Variants in CERS6 observed in about 807,000 individuals in gnomAD.
The protein encoded by CERS6 is LAG1 homolog, ceramide synthase 6.
Under a neutral mutation model 56.8 loss-of-function variants are expected in CERS6, and 26 were observed. That is an observed-to-expected ratio of 0.46 (90% CI 0.34 to 0.63). The LOEUF is 0.63. Ranked by LOEUF, CERS6 falls within the 30% of genes least tolerant of loss-of-function variation. CERS6 has a pLI of 0.01. For missense variants in CERS6, 415 were observed against 467.5 expected (o/e 0.89, Z 1.04); for synonymous variants, 164 against 173.3 (o/e 0.95, Z 0.42).
chr2:168,632,671 A>G (rs1684774367), intron 4 of CERS6, among the ~76,000 whole-genome samples: 3 of 152,234 alleles, frequency 2.0e-5, no homozygotes. Context: ...TCTAGAAAAA[A>G]TAGAATGACT....
At chr2:168,601,603 G>A (rs1229255749) in intron 3 of CERS6, among the ~76,000 whole-genome samples, 1 of 151,654 alleles carries the variant, frequency 6.6e-6, no homozygotes, top group Non-Finnish European at 1.5e-5. Context: ...AGGCTGGAGT[G>A]TAGTGGTATG....
In CERS6 at chr2:168,561,211, T is replaced by C; in HGVS notation, c.296T>C (p.Leu99Ser). ...AITKHPDEKR[L>S]EGLSKQLDWD... ...TCATAGCATCCTGATGAAAAGAGAT[T>C]GGAAGGCCTCTCCAAGCAACTGGAC... Residue 99 changes from leucine to serine, a missense_variant, in exon 3 of 10, where the codon TTG (leucine) becomes TCG (serine). Physicochemically the swap from Leu to Ser is moderately radical, Grantham distance 145. Coordinates refer to ENST00000305747, the MANE Select transcript of CERS6 (RefSeq NM_203463.3). The C allele has an allele frequency of 6.2e-7, 1 of 1,614,058 alleles. No individual in the cohort carries two copies. The highest frequency in any genetic ancestry group is 8.5e-7 in the Non-Finnish European group (1 of 1,179,932).
At chr2:168,761,160 T>C (rs1375764345) in intron 8 of CERS6, among the ~76,000 whole-genome samples, 4 of 152,214 alleles carry the variant, frequency 2.6e-5, no homozygotes, top group Admixed American at 6.5e-5. Flanking sequence ...CTGAGAGATA[T>C]ATCCGTTTGG....
intron 8 of CERS6, among the ~76,000 whole-genome samples, chr2:168,749,988 C>G (rs1684215615): frequency 6.6e-6 from 1 of 152,288 alleles, no homozygotes; most frequent in Non-Finnish European, 1.5e-5. Flanking sequence ...GCAGAAATTT[C>G]TAGGGAAAGC....
rs150724635 is a variant in CERS6, at chr2:168,520,598, C to CTTTTTTTTTTTTTTTTTTTTTTTTTTTTT, written c.171-26997_171-26969dup. ...TTAACTCTTTAACATTTACAATATCCTTTTTTTTTTTTTTTTTTTTTTTTT... is the reference window on the plus strand; with the variant it reads ...TTAACTCTTTAACATTTACAATATCCTTTTTTTTTTTTTTTTTTTTTTTTTTTTTTTTTTTTTTTTTTTTTTTTTTTTTT... On this transcript the variant is annotated intron_variant, in intron 1 of 9. Transcript: ENST00000305747. Among the ~76,000 whole-genome samples the CTTTTTTTTTTTTTTTTTTTTTTTTTTTTT allele has an allele frequency of 1.3e-3, 78 of 57,896 alleles. 22 individuals are homozygous for CTTTTTTTTTTTTTTTTTTTTTTTTTTTTT. The highest frequency in any genetic ancestry group is 2.4e-3 in the Admixed American group (8 of 3,266). 38.0% of individuals were successfully genotyped at this position (57,896 alleles called of 152,430 possible).
chr2:168,504,952 G>A (rs1245013625), intron 1 of CERS6, among the ~76,000 whole-genome samples: 1 of 152,106 alleles, frequency 6.6e-6, no homozygotes. Context: ...TGTATCAGGC[G>A]GTTCTCTTAA....
intron 4 of CERS6, among the ~76,000 whole-genome samples, chr2:168,638,476 T>G (rs78242526): frequency 0.017 from 2,625 of 152,042 alleles, 104 homozygotes; most frequent in East Asian, 0.16. Context: ...CCAAAACATG[T>G]ACAACTACTA....
At chr2:168,597,978 T>G (rs1683840340) in intron 3 of CERS6, among the ~76,000 whole-genome samples, 1 of 151,994 alleles carries the variant, frequency 6.6e-6, no homozygotes. Context: ...TCTTTCAGAC[T>G]TTTTTTTGTC....
At chr2:168,522,437 T>C (rs1694998934) in intron 1 of CERS6, among the ~76,000 whole-genome samples, 1 of 152,248 alleles carries the variant, frequency 6.6e-6, no homozygotes, top group South Asian at 2.1e-4. Context: ...TAATTTCTTC[T>C]GAACAATTTT....
intron 4 of CERS6, among the ~76,000 whole-genome samples, chr2:168,679,653 C>T (rs1424938): frequency 0.95 from 144,944 of 152,314 alleles, 69,020 homozygotes; most frequent in East Asian, 0.98. Context: ...ACCTCGCTCA[C>T]ACACAGATAG....
Position 168,769,537 on chromosome 2 carries a change from G to C in CERS6, c.1030G>C (p.Glu344Gln), listed in dbSNP as rs1684811626. 1.2e-6 allele frequency: 2 copies of C among 1,605,010 alleles called. No individual in the cohort carries two copies. Among genetic ancestry groups the C allele is most frequent in the East Asian group, 4.5e-5 (2 of 44,552 alleles). Reference protein sequence around the residue: ...KVSKDDRSDIESSSDEEDSEP... With the variant: ...KVSKDDRSDIQSSSDEEDSEP... ...GTCCAAGGATGATCGAAGTGATATT[G>C]AGTCTAGCTCAGATGAGGAGGACTC... The change falls in exon 10 of 10, where the codon GAG (glutamate) becomes CAG (glutamine). Residue 344 changes from glutamate (E) to glutamine (Q), a missense_variant. Transcript: ENST00000305747.
At chr2:168,660,941 G>A (rs1685613244) in intron 4 of CERS6, among the ~76,000 whole-genome samples, 1 of 152,068 alleles carries the variant, frequency 6.6e-6, no homozygotes, top group African/African-American at 2.4e-5. Flanking sequence ...GCATGATAAT[G>A]AGAAATGCCT....
chr2:168,468,059 C>T (rs1033851181), intron 1 of CERS6, among the ~76,000 whole-genome samples: 2 of 152,056 alleles, frequency 1.3e-5, no homozygotes, highest in African/African-American at 4.8e-5. Context: ...TGCTTTTAAG[C>T]CTTTTCTTCT....
At chr2:168,676,394 T>C (rs1314067411) in intron 4 of CERS6, among the ~76,000 whole-genome samples, 1 of 152,182 alleles carries the variant, frequency 6.6e-6, no homozygotes, top group Non-Finnish European at 1.5e-5. Context: ...CTTGCAAGTG[T>C]TTACACATGT....
chr2:168,505,774 T>C (rs1240120849), intron 1 of CERS6, among the ~76,000 whole-genome samples: 1 of 152,202 alleles, frequency 6.6e-6, no homozygotes, highest in East Asian at 1.9e-4. Context: ...AAGGAACTGG[T>C]CTAGTGTCAG....
At chr2:168,498,504 C>T (rs1694515770) in intron 1 of CERS6, among the ~76,000 whole-genome samples, 1 of 152,160 alleles carries the variant, frequency 6.6e-6, no homozygotes, top group Non-Finnish European at 1.5e-5. Flanking sequence ...TATACATATT[C>T]AGCAGGTTAT....
intron 1 of CERS6, among the ~76,000 whole-genome samples, chr2:168,488,077 A>G (rs1476536735): frequency 6.6e-6 from 1 of 152,194 alleles, no homozygotes; most frequent in African/African-American, 2.4e-5. Flanking sequence ...AATCCTGTGT[A>G]TATAGGAATT....
At chr2:168,560,756 G>A (rs1274221339) in intron 2 of CERS6, among the ~76,000 whole-genome samples, 1 of 152,150 alleles carries the variant, frequency 6.6e-6, no homozygotes, top group Non-Finnish European at 1.5e-5. Flanking sequence ...ATCCTGATAT[G>A]TGATGATTGG....
intron 4 of CERS6, among the ~76,000 whole-genome samples, chr2:168,654,611 G>A (rs942494173): frequency 1.3e-5 from 2 of 151,556 alleles, no homozygotes; most frequent in Non-Finnish European, 2.9e-5. Flanking sequence ...ACCTACAGAA[G>A]CACATAGAAT....
Sources: allele counts gnomAD v4.1 joint callset (sites outside exome capture counted in the v4.1 genomes callset), GRCh38; gene constraint gnomAD v4.1.1; transcripts MANE v1.5; gene names NCBI Gene and HGNC (gene_info 2026-07-23, HGNC 2026-07-21).